RPSA2: variants seen among roughly 807,000 people sequenced by gnomAD.
RPSA2 encodes the protein small ribosomal subunit protein uS2B.
the RPSA2 span, among the ~76,000 whole-genome samples, chr19:23,790,219 G>C: frequency 2.0e-5 from 3 of 151,962 alleles, no homozygotes; most frequent in Admixed American, 2.0e-4. Flanking sequence ...GGCTGGCTTG[G>C]CACTTCTGAC....
At chr19:23,796,853 GTTTA>G in the RPSA2 span, among the ~76,000 whole-genome samples, 144,979 of 148,280 alleles carry the variant, frequency 0.98, 70,949 homozygotes, top group Middle Eastern at 1. Flanking sequence ...CTAGCTAGTG[GTTTA>G]TTTATCTTAT....
the RPSA2 span, among the ~76,000 whole-genome samples, chr19:23,769,621 G>A: frequency 6.6e-6 from 1 of 152,234 alleles, no homozygotes; most frequent in Non-Finnish European, 1.5e-5. Context: ...TGGGATTACA[G>A]GCGTGAGCCA....
At chr19:23,825,486 C>T in the RPSA2 span, among the ~76,000 whole-genome samples, 2,083 of 152,152 alleles carry the variant, frequency 0.014, 52 homozygotes, top group African/African-American at 0.048. Flanking sequence ...TTCCTGTATA[C>T]AAAAATAAAT....
the RPSA2 span, chr19:23,758,832 A>G: frequency 1.9e-6 from 3 of 1,589,778 alleles, no homozygotes; most frequent in South Asian, 3.3e-5. Flanking sequence ...CTGGGCCTCT[A>G]GAAGAAGAGG....
the RPSA2 span, chr19:23,799,177 CTTAAGATGCTT>C: frequency 6.6e-6 from 1 of 152,114 alleles, no homozygotes; most frequent in African/African-American, 2.4e-5. Flanking sequence ...TCAGTTTTTT[CTTAAGATGCTT>C]TTAACTTCTT....
At chr19:23,841,420 C>A in the RPSA2 span, among the ~76,000 whole-genome samples, 1 of 152,066 alleles carries the variant, frequency 6.6e-6, no homozygotes, top group Non-Finnish European at 1.5e-5. Flanking sequence ...GCCAAGATCA[C>A]GCCACTGCAC....
the RPSA2 span, among the ~76,000 whole-genome samples, chr19:23,845,849 T>C: frequency 1.4e-3 from 154 of 106,356 alleles, 1 homozygote; most frequent in East Asian, 0.091. Context: ...TTTTAATTGT[T>C]TGTAAATTTA....
At chr19:23,840,998 G>A in the RPSA2 span, among the ~76,000 whole-genome samples, 2 of 148,802 alleles carry the variant, frequency 1.3e-5, no homozygotes, top group African/African-American at 4.9e-5. Context: ...ACAAAACATG[G>A]ACATCGTATG....
At chr19:23,811,516 CTT>C in the RPSA2 span, among the ~76,000 whole-genome samples, 147,257 of 150,860 alleles carry the variant, frequency 0.98, 71,955 homozygotes, top group Non-Finnish European at 1. Context: ...AATAGGATGC[CTT>C]TTTTTTTTTT....
chr19:23,849,898 G>A, the RPSA2 span, among the ~76,000 whole-genome samples: 23 of 152,158 alleles, frequency 1.5e-4, no homozygotes, highest in African/African-American at 5.5e-4. Flanking sequence ...TGAAAGTATG[G>A]GGTATCTCCT....
the RPSA2 span, among the ~76,000 whole-genome samples, chr19:23,820,770 A>G: frequency 4.4e-4 from 67 of 152,310 alleles, no homozygotes; most frequent in Non-Finnish European, 8.2e-4. Context: ...CTTTGCTAGC[A>G]AAAGGGCTCT....
chr19:23,795,165 T>A, the RPSA2 span, among the ~76,000 whole-genome samples: 2 of 145,662 alleles, frequency 1.4e-5, no homozygotes, highest in East Asian at 4.1e-4. Flanking sequence ...CGGACTCTTT[T>A]GGTTTTATAT....
the RPSA2 span, among the ~76,000 whole-genome samples, chr19:23,775,749 C>T: frequency 6.6e-6 from 1 of 152,202 alleles, no homozygotes; most frequent in South Asian, 2.1e-4. Context: ...GTCTGTGATT[C>T]CACTAAGGTG....
At chr19:23,823,368 C>T in the RPSA2 span, among the ~76,000 whole-genome samples, 1 of 152,128 alleles carries the variant, frequency 6.6e-6, no homozygotes, top group East Asian at 1.9e-4. Context: ...TTAATCCCCT[C>T]ACAATTACTA....
the RPSA2 span, among the ~76,000 whole-genome samples, chr19:23,860,856 C>T: frequency 6.6e-6 from 1 of 152,156 alleles, no homozygotes; most frequent in African/African-American, 2.4e-5. Context: ...AAAACAGACC[C>T]TTAAGTGTCT....
chr19:23,781,977 G>T, the RPSA2 span: 2 of 154,690 alleles, frequency 1.3e-5, no homozygotes, highest in African/African-American at 4.8e-5. Context: ...TTGCACCCAG[G>T]TGGTTTGAGT....
At chr19:23,851,359 A>G in the RPSA2 span, among the ~76,000 whole-genome samples, 1 of 152,228 alleles carries the variant, frequency 6.6e-6, no homozygotes, top group African/African-American at 2.4e-5. Flanking sequence ...CATGAGTGAG[A>G]TTGGAACTTC....
the RPSA2 span, among the ~76,000 whole-genome samples, chr19:23,780,062 A>G: frequency 6.6e-6 from 1 of 152,102 alleles, no homozygotes; most frequent in African/African-American, 2.4e-5. Context: ...ATGATAACTA[A>G]TACCTCTTAC....
At chr19:23,792,896 A>C in the RPSA2 span, among the ~76,000 whole-genome samples, 1 of 152,126 alleles carries the variant, frequency 6.6e-6, no homozygotes, top group African/African-American at 2.4e-5. Context: ...AGGAGGTTGG[A>C]GGGGAATGTT....
Sources: allele counts gnomAD v4.1 joint callset (sites outside exome capture counted in the v4.1 genomes callset), GRCh38; gene constraint gnomAD v4.1.1; transcripts MANE v1.5; gene names NCBI Gene and HGNC (gene_info 2026-07-23, HGNC 2026-07-21).